STXBP4: variants seen among roughly 807,000 people sequenced by gnomAD.
STXBP4 encodes the protein syntaxin-binding protein 4.
Under a neutral mutation model 76.1 loss-of-function variants are expected in STXBP4, and 55 were observed. The ratio of observed to expected loss-of-function variants is 0.72; its 90% CI spans 0.58 to 0.91. The LOEUF is 0.91. Among genes scored for constraint, STXBP4 ranks in the 40% least tolerant of loss-of-function variants. The pLI is 0.00. For missense variants in STXBP4, 618 were observed against 636.9 expected, an observed-to-expected ratio of 0.97 and a Z score of 0.32; for synonymous variants, 201 against 220.2, an observed-to-expected ratio of 0.91 and a Z score of 0.77.
intron 16 of STXBP4, among the ~76,000 whole-genome samples, chr17:55,082,265 G>C (rs2787495): frequency 0.23 from 35,571 of 152,152 alleles, 4,644 homozygotes; most frequent in South Asian, 0.31. Context: ...ACATTGTGTT[G>C]TCATTTTAAA....
chr17:55,157,232 A>G lies in STXBP4; in HGVS notation c.1548-2565A>G, dbSNP rs377012737. Among the ~76,000 whole-genome samples the G allele has an allele frequency of 1.5e-3, 221 of 152,306 alleles. 7 individuals carry two copies. The South Asian group carries it at 0.045, about 31-fold the overall frequency. On this transcript the variant is annotated intron_variant, in intron 17 of 17. Transcript: ENST00000376352. The stretch of plus-strand genomic sequence containing the variant: ...CATTAAAGTATTAAAATATATACCA[A>G]TATTTTAAAATAAGCAAAGCTGTCT...
intron 10 of STXBP4, among the ~76,000 whole-genome samples, chr17:55,039,958 G>C (rs1426239978): frequency 6.6e-6 from 1 of 152,106 alleles, no homozygotes; most frequent in African/African-American, 2.4e-5. Context: ...ATATTTTGGA[G>C]AGTGATAGTT....
In STXBP4 at chr17:55,159,908, T is replaced by C. The variant is rs371674295; in HGVS notation, c.1659T>C (p.Ser553=). Residue 553 remains serine (S), a synonymous_variant, in exon 18 of 18, where the codon AGT becomes AGC. Transcript: ENST00000376352. Reference sequence around the variant, plus strand: ...CTAGAGAACTCCCCAACCAGAAAAGTTGATGGTTTTCCTTAGGAAGTGGAG... The same window carrying C: ...CTAGAGAACTCCCCAACCAGAAAAGCTGATGGTTTTCCTTAGGAAGTGGAG... ...DCSRELPNQK[S] is the part of the protein sequence containing the mutation. The C allele has an allele frequency of 3.1e-5, 49 of 1,603,998 alleles. No individual in the cohort carries two copies. Among genetic ancestry groups the C allele is most frequent in the Non-Finnish European group, 3.8e-5 (45 of 1,171,284 alleles).
intron 16 of STXBP4, among the ~76,000 whole-genome samples, chr17:55,140,494 G>A (rs1486804365): frequency 6.6e-6 from 1 of 152,082 alleles, no homozygotes; most frequent in African/African-American, 2.4e-5. Context: ...ATCCTTAGCA[G>A]TACTTGGATG....
At chr17:55,128,327 G>T (rs1444301973) in intron 16 of STXBP4, among the ~76,000 whole-genome samples, 1 of 150,510 alleles carries the variant, frequency 6.6e-6, no homozygotes, top group Non-Finnish European at 1.5e-5. Flanking sequence ...GGAGGGAGAG[G>T]CACTGCTGAG....
intron 10 of STXBP4, among the ~76,000 whole-genome samples, chr17:55,040,060 A>G (rs2078672033): frequency 6.6e-6 from 1 of 152,170 alleles, no homozygotes; most frequent in Non-Finnish European, 1.5e-5. Flanking sequence ...CCCTTTCTCC[A>G]TTTAAGGAGT....
At chr17:54,984,072 C>A (rs968726870) in intron 1 of STXBP4, among the ~76,000 whole-genome samples, 1 of 152,126 alleles carries the variant, frequency 6.6e-6, no homozygotes, top group African/African-American at 2.4e-5. Flanking sequence ...TTGCTTGCTA[C>A]TACAGAGGGC....
intron 16 of STXBP4, among the ~76,000 whole-genome samples, chr17:55,128,186 G>A (rs2079933239): frequency 6.6e-6 from 1 of 152,206 alleles, no homozygotes; most frequent in Non-Finnish European, 1.5e-5. Flanking sequence ...TAGTTCTTGA[G>A]TGCCCACTAT....
At chr17:54,980,319 T>C (rs1296616138) in intron 1 of STXBP4, among the ~76,000 whole-genome samples, 1 of 152,088 alleles carries the variant, frequency 6.6e-6, no homozygotes, top group Non-Finnish European at 1.5e-5. Flanking sequence ...TAAAAAAAAA[T>C]AATACCTAGG....
At chr17:55,175,224 C>T (rs546291033), downstream of STXBP4, among the ~76,000 whole-genome samples, 5 of 152,220 alleles carry the variant, frequency 3.3e-5, no homozygotes, top group Middle Eastern at 0.017. Flanking sequence ...ACCTCTATAC[C>T]ACTGAATTAT....
At chr17:55,071,337 G>T (rs924520520) in intron 12 of STXBP4, among the ~76,000 whole-genome samples, 3 of 151,916 alleles carry the variant, frequency 2.0e-5, no homozygotes, top group Non-Finnish European at 2.9e-5. Flanking sequence ...TTACCATTCT[G>T]CCCTCATGTC....
At chr17:55,118,323 C>A (rs893644790) in intron 16 of STXBP4, among the ~76,000 whole-genome samples, 1 of 151,934 alleles carries the variant, frequency 6.6e-6, no homozygotes, top group Non-Finnish European at 1.5e-5. Flanking sequence ...AGCCAACCAT[C>A]TAATGAGTTA....
chr17:55,042,850 C>T (rs533573484), intron 10 of STXBP4, among the ~76,000 whole-genome samples: 1 of 152,186 alleles, frequency 6.6e-6, no homozygotes, highest in East Asian at 1.9e-4. Flanking sequence ...TTATAATGTA[C>T]AGCATTTTGT....
At chr17:55,032,685 GA>G (rs2078530363) in intron 9 of STXBP4, among the ~76,000 whole-genome samples, 1 of 152,160 alleles carries the variant, frequency 6.6e-6, no homozygotes, top group Admixed American at 6.5e-5. Flanking sequence ...AATTAAACCA[GA>G]GATCGTGGAC....
intron 16 of STXBP4, among the ~76,000 whole-genome samples, chr17:55,092,484 G>T (rs577888662): frequency 6.6e-6 from 1 of 152,068 alleles, no homozygotes; most frequent in South Asian, 2.1e-4. Context: ...TATTATTTTA[G>T]GCAACAAAAG....
Position 55,163,252 on chromosome 17 carries a change from C to A in STXBP4, c.*3341C>A, listed in dbSNP as rs1461740412. On this transcript the variant is annotated 3_prime_UTR_variant, in exon 18 of 18. Coordinates refer to ENST00000376352, the MANE Select transcript of STXBP4 (RefSeq NM_178509.6). ...TTTTTTTTGTCCTTGGAAGAATAAC[C>A]TTCCTTCCACCAAGTCCAAGAACCT... The A allele has an allele frequency of 1.4e-5, 2 of 141,804 alleles. No individual in the cohort carries two copies. Among genetic ancestry groups the A allele is most frequent in the Non-Finnish European group, 3.0e-5 (2 of 65,918 alleles). 8.8% of individuals were successfully genotyped at this position (141,804 alleles called of 1,614,324 possible).
chr17:55,090,129 G>A (rs1412333826), intron 16 of STXBP4, among the ~76,000 whole-genome samples: 1 of 151,984 alleles, frequency 6.6e-6, no homozygotes, highest in Non-Finnish European at 1.5e-5. Context: ...AATGAATAAA[G>A]TCAAAGACAG....
At chr17:55,201,654 A>T in the STXBP4 span, among the ~76,000 whole-genome samples, 1 of 152,332 alleles carries the variant, frequency 6.6e-6, no homozygotes, top group South Asian at 2.1e-4. Context: ...TCCAATCAAG[A>T]CGTTACTGCT....
intron 17 of STXBP4, among the ~76,000 whole-genome samples, chr17:55,150,410 C>T (rs778232835): frequency 2.0e-5 from 3 of 152,162 alleles, no homozygotes; most frequent in Non-Finnish European, 4.4e-5. Context: ...TTCCATCAGA[C>T]CAGTGTCCTG....
Sources: allele counts gnomAD v4.1 joint callset (sites outside exome capture counted in the v4.1 genomes callset), GRCh38; gene constraint gnomAD v4.1.1; transcripts MANE v1.5; gene names NCBI Gene and HGNC (gene_info 2026-07-23, HGNC 2026-07-21).